Variants in TMEM132C observed in about 807,000 individuals in gnomAD.
TMEM132C encodes the protein transmembrane protein 132C.
In TMEM132C, 29 loss-of-function variants were observed where a neutral mutation model predicts 61.4. That is an observed-to-expected ratio of 0.47 (90% CI 0.35 to 0.64). The LOEUF (loss-of-function observed/expected upper bound fraction) is 0.64, where lower values mean the gene tolerates loss of function less well. Ranked by LOEUF, TMEM132C falls within the 30% of genes least tolerant of loss-of-function variation. TMEM132C has a pLI of 0.00. For synonymous variants in TMEM132C, 656 were observed against 633.1 expected (o/e 1.04, Z -0.54); for missense variants, 1,408 against 1,476.9 (o/e 0.95, Z 0.76).
chr12:128,559,968 C>G (rs770519907), intron 3 of TMEM132C, among the ~76,000 whole-genome samples: 2 of 152,224 alleles, frequency 1.3e-5, no homozygotes, highest in Admixed American at 6.5e-5. Flanking sequence ...ATAAATCAGG[C>G]TGGGCATGGT....
intron 3 of TMEM132C, among the ~76,000 whole-genome samples, chr12:128,564,041 A>G (rs1874614418): frequency 6.6e-6 from 1 of 152,260 alleles, no homozygotes; most frequent in Non-Finnish European, 1.5e-5. Flanking sequence ...AGATAAAGGC[A>G]TAAAGGCACC....
intron 3 of TMEM132C, among the ~76,000 whole-genome samples, chr12:128,568,335 C>A (rs1874769056): frequency 6.6e-6 from 1 of 152,208 alleles, no homozygotes; most frequent in South Asian, 2.1e-4. Flanking sequence ...AGGATGCATT[C>A]TCCTGGCTTC....
At chr12:128,294,820 C>G (rs142440845) in intron 1 of TMEM132C, among the ~76,000 whole-genome samples, 24 of 152,250 alleles carry the variant, frequency 1.6e-4, no homozygotes, top group Admixed American at 5.2e-4. Context: ...CCTAAGACCT[C>G]CATTCTGAAG....
At chr12:128,301,074 G>T (rs1871580498) in intron 1 of TMEM132C, among the ~76,000 whole-genome samples, 1 of 152,052 alleles carries the variant, frequency 6.6e-6, no homozygotes. Context: ...AAAACTCAGG[G>T]ACCATGGTCC....
Position 128,278,335 on chromosome 12 carries a change from T to C in TMEM132C, c.85+10848T>C, listed in dbSNP as rs963065964. Among the ~76,000 whole-genome samples the C allele has an allele frequency of 1.3e-5, 2 of 152,220 alleles. No individual in the cohort carries two copies. The highest frequency in any genetic ancestry group is 4.8e-5 in the African/African-American group (2 of 41,474). On this transcript the variant is annotated intron_variant, in intron 1 of 8. Coordinates refer to ENST00000435159, the MANE Select transcript of TMEM132C (RefSeq NM_001136103.3). This position sits in a 1 kb window ranked among gnomAD's most constrained non-coding sequence, Gnocchi z 4.2. ...ATTTTCTTTATTTTCCACTGTTTAA[T>C]TGTAAGCAATGAATTGACTGAGAGA...
chr12:128,518,613 T>C (rs1872796646), intron 2 of TMEM132C, among the ~76,000 whole-genome samples: 1 of 152,248 alleles, frequency 6.6e-6, no homozygotes, highest in Admixed American at 6.5e-5. Flanking sequence ...AGATACCTTT[T>C]GTAAATTTTT....
chr12:128,546,295 A>C (rs970459233), intron 3 of TMEM132C, among the ~76,000 whole-genome samples: 5 of 152,234 alleles, frequency 3.3e-5, no homozygotes, highest in African/African-American at 1.2e-4. Context: ...AATCGAATGC[A>C]CATGAAGTCT....
At chr12:128,312,184 C>T (rs1306230893) in intron 1 of TMEM132C, among the ~76,000 whole-genome samples, 1 of 152,162 alleles carries the variant, frequency 6.6e-6, no homozygotes, top group Non-Finnish European at 1.5e-5. Flanking sequence ...CTCATGTCCA[C>T]CCTGAACCAC....
intron 3 of TMEM132C, among the ~76,000 whole-genome samples, chr12:128,615,430 T>C (rs887427017): frequency 3.9e-5 from 6 of 152,196 alleles, no homozygotes; most frequent in Non-Finnish European, 1.5e-5. Flanking sequence ...GTCACCGTAA[T>C]GTAGAATCAG....
chr12:128,660,664 G>A (rs999757251), intron 4 of TMEM132C, among the ~76,000 whole-genome samples: 1 of 152,156 alleles, frequency 6.6e-6, no homozygotes, highest in Non-Finnish European at 1.5e-5. Flanking sequence ...GAAGAAAACG[G>A]CTTGCCAAGC....
At chr12:128,542,444 T>A (rs2136146476) in intron 2 of TMEM132C, among the ~76,000 whole-genome samples, 1 of 152,250 alleles carries the variant, frequency 6.6e-6, no homozygotes, top group South Asian at 2.1e-4. Flanking sequence ...TAGCTGGGAC[T>A]AAAGGCATGC....
At chr12:128,336,072 T>G (rs552074022) in intron 1 of TMEM132C, among the ~76,000 whole-genome samples, 1 of 152,368 alleles carries the variant, frequency 6.6e-6, no homozygotes, top group South Asian at 2.1e-4. Flanking sequence ...ATTATCATTT[T>G]GTGTTTTAAA....
intron 1 of TMEM132C, among the ~76,000 whole-genome samples, chr12:128,367,745 A>AT (rs1873912186): frequency 6.6e-6 from 1 of 152,146 alleles, no homozygotes; most frequent in African/African-American, 2.4e-5. Flanking sequence ...AAAAAAGTAA[A>AT]AAAAAAAAAT....
chr12:128,327,034 G>T lies in TMEM132C; in HGVS notation c.85+59547G>T, dbSNP rs1270040847. On this transcript the variant is annotated intron_variant, in intron 1 of 8. Coordinates refer to ENST00000435159, the MANE Select transcript of TMEM132C (RefSeq NM_001136103.3). Reference sequence around the variant, plus strand: ...TTATCCCCAACCTTTTTGTCTGTGTGCAGATTACATCATAAGGCAAGTGGA... The same window carrying T: ...TTATCCCCAACCTTTTTGTCTGTGTTCAGATTACATCATAAGGCAAGTGGA... 1.3e-5 allele frequency among the ~76,000 whole-genome samples: 2 copies of T among 149,814 alleles called. 1 individual carries two copies. Among genetic ancestry groups the T allele is most frequent in the African/African-American group, 5.1e-5 (2 of 39,182 alleles).
chr12:128,361,165 G>A (rs1873698529), intron 1 of TMEM132C, among the ~76,000 whole-genome samples: 1 of 152,204 alleles, frequency 6.6e-6, no homozygotes, highest in South Asian at 2.1e-4. Flanking sequence ...TACTCTGTGT[G>A]CCTGAGTTCC....
chr12:128,313,734 G>A (rs189191042), intron 1 of TMEM132C, among the ~76,000 whole-genome samples: 7 of 152,326 alleles, frequency 4.6e-5, no homozygotes, highest in Non-Finnish European at 1.0e-4. Context: ...TAGGAAGGAC[G>A]AGAGAGAGCT....
intron 2 of TMEM132C, among the ~76,000 whole-genome samples, chr12:128,430,854 C>T (rs114122271): frequency 0.017 from 2,660 of 152,294 alleles, 86 homozygotes; most frequent in African/African-American, 0.057. Flanking sequence ...GCTCCACTGA[C>T]TGGCCACTGT....
chr12:128,342,511 A>C (rs897267537), intron 1 of TMEM132C, among the ~76,000 whole-genome samples: 1 of 152,192 alleles, frequency 6.6e-6, no homozygotes, highest in Non-Finnish European at 1.5e-5. Flanking sequence ...CATAGCCCCC[A>C]GTGGATGCCC....
chr12:128,354,223 C>T (rs572884511), intron 1 of TMEM132C, among the ~76,000 whole-genome samples: 1 of 152,080 alleles, frequency 6.6e-6, no homozygotes, highest in African/African-American at 2.4e-5. Flanking sequence ...GTGAGTCCCC[C>T]AAGGAGAGTG....
Sources: gnomAD v4.1 joint callset for allele counts (sites outside exome capture counted in the v4.1 genomes callset) on GRCh38, gnomAD v4.1.1 for gene constraint, Gnocchi (gnomAD v3.1) non-coding constraint, MANE v1.5 for transcripts, NCBI Gene and HGNC (gene_info 2026-07-23, HGNC 2026-07-21) for gene names.